The following C12orf56 variants were observed in gnomAD, a reference collection of about 807,000 sequenced individuals.
The protein encoded by C12orf56 is chromosome 12 open reading frame 56, also known as uncharacterized protein C12orf56.
In C12orf56, 71 loss-of-function variants were observed where a neutral mutation model predicts 69.9. The ratio of observed to expected loss-of-function variants is 1.02; its 90% CI spans 0.84 to 1.24. The LOEUF is 1.24. Ranked by LOEUF, C12orf56 falls within the 50% of genes most tolerant of loss-of-function variation. C12orf56 has a pLI of 0.00. For synonymous variants in C12orf56, 276 were observed against 274.1 expected (o/e 1.01, Z -0.07); for missense variants, 732 against 738.5 (o/e 0.99, Z 0.10).
chr12:64,281,782 G>A (rs1201234259), intron 8 of C12orf56, among the ~76,000 whole-genome samples: 1 of 152,086 alleles, frequency 6.6e-6, no homozygotes, highest in Non-Finnish European at 1.5e-5. Context: ...CTTGATATAG[G>A]ACGGCTGATG....
At chr12:64,285,198 A>G (rs951130341) in intron 7 of C12orf56, among the ~76,000 whole-genome samples, 1 of 147,182 alleles carries the variant, frequency 6.8e-6, no homozygotes, top group Non-Finnish European at 1.5e-5. Context: ...AAAAAAAAAA[A>G]GAAAAAAATT....
At chr12:64,381,149 A>G (rs906275307) in intron 1 of C12orf56, among the ~76,000 whole-genome samples, 19 of 152,044 alleles carry the variant, frequency 1.2e-4, no homozygotes, top group Admixed American at 1.2e-3. Flanking sequence ...GCAGTGAGTC[A>G]GGAGTGTTGA....
chr12:64,326,495 C>T (rs540358089), intron 3 of C12orf56, among the ~76,000 whole-genome samples: 8 of 152,244 alleles, frequency 5.3e-5, no homozygotes, highest in African/African-American at 1.2e-4. Flanking sequence ...TTGGGACCAC[C>T]GCCAGCCGAG....
At chr12:64,362,907 G>A (rs2039417157) in intron 1 of C12orf56, among the ~76,000 whole-genome samples, 2 of 152,108 alleles carry the variant, frequency 1.3e-5, no homozygotes, top group Non-Finnish European at 1.5e-5. Flanking sequence ...TTCGTAAACT[G>A]ACATGTCACT....
intron 2 of C12orf56, chr12:64,338,259 T>C (rs1167698246): frequency 5.6e-6 from 3 of 538,098 alleles, no homozygotes; most frequent in African/African-American, 1.9e-5. Context: ...TCCAGCTGGC[T>C]TTCCAGGGTA....
chr12:64,277,627 G>A (rs1267346109), intron 9 of C12orf56, 53 bp downstream of exon 9: 55 of 864,302 alleles, frequency 6.4e-5, no homozygotes, highest in Non-Finnish European at 6.4e-5. Flanking sequence ...AAGAAGCCAG[G>A]GCCCCTATAT....
At chr12:64,379,662 T>C (rs1310329191) in intron 1 of C12orf56, among the ~76,000 whole-genome samples, 1 of 151,996 alleles carries the variant, frequency 6.6e-6, no homozygotes, top group Non-Finnish European at 1.5e-5. Context: ...AGTTTACCAC[T>C]TCCTGCTGTC....
chr12:64,380,453 G>A (rs899581336), intron 1 of C12orf56, among the ~76,000 whole-genome samples: 10 of 152,168 alleles, frequency 6.6e-5, no homozygotes, highest in Non-Finnish European at 8.8e-5. Context: ...AAGTGTCAGG[G>A]AATGTGAGGC....
intron 1 of C12orf56, among the ~76,000 whole-genome samples, chr12:64,370,036 A>T (rs2039549512): frequency 6.6e-6 from 1 of 151,296 alleles, no homozygotes; most frequent in African/African-American, 2.4e-5. Flanking sequence ...GTGTTACAAA[A>T]TAAGATGCTG....
chr12:64,315,841 G>A (rs886075141), intron 4 of C12orf56, among the ~76,000 whole-genome samples: 5 of 149,916 alleles, frequency 3.3e-5, no homozygotes, highest in African/African-American at 1.2e-4. Context: ...TGAGGCAGGA[G>A]AATCAATTGA....
chr12:64,383,769 A>G (rs2039752817), intron 1 of C12orf56, among the ~76,000 whole-genome samples: 1 of 152,186 alleles, frequency 6.6e-6, no homozygotes, highest in South Asian at 2.1e-4. Context: ...ACTATAAATC[A>G]ACCAAATATG....
intron 4 of C12orf56, among the ~76,000 whole-genome samples, chr12:64,314,801 A>T (rs1241943810): frequency 6.6e-6 from 1 of 150,652 alleles, no homozygotes; most frequent in African/African-American, 2.4e-5. Flanking sequence ...CGCCCGGCTA[A>T]TTTTTTCTAT....
At position 64,365,824 on chromosome 12, in the gene C12orf56, T is replaced by A. The variant is rs2039464727; in HGVS notation, c.253-12768A>T. ...TATGTATAATATATAGTGTATATAT[T>A]ATGTATAATATATAGTGTATATATT... On this transcript the variant is annotated intron_variant, in intron 1 of 12. Transcript: ENST00000543942. Among the ~76,000 whole-genome samples the A allele has an allele frequency of 5.0e-5, 7 of 139,958 alleles. No individual in the cohort carries two copies. The South Asian group carries it at 1.5e-3, about 30-fold the overall frequency. 91.8% of individuals were successfully genotyped at this position (139,958 alleles called of 152,430 possible).
chr12:64,381,164 T>C (rs2039715425), intron 1 of C12orf56, among the ~76,000 whole-genome samples: 1 of 151,858 alleles, frequency 6.6e-6, no homozygotes, highest in African/African-American at 2.4e-5. Flanking sequence ...TGTTGATTGG[T>C]TGGGTCAGAG....
intron 6 of C12orf56, among the ~76,000 whole-genome samples, chr12:64,294,893 A>C (rs981429116): frequency 1.3e-5 from 2 of 152,014 alleles, no homozygotes; most frequent in Non-Finnish European, 2.9e-5. Context: ...AAATCATATG[A>C]AGAAAAAAAA....
chr12:64,307,612 G>A (rs1257127850), intron 5 of C12orf56, among the ~76,000 whole-genome samples: 1 of 151,756 alleles, frequency 6.6e-6, no homozygotes, highest in Non-Finnish European at 1.5e-5. Flanking sequence ...CAAACGATCT[G>A]CCCGCCTCAG....
At chr12:64,328,701 AAAAAAATATATATATATATATAT>A (rs1455635674) in intron 3 of C12orf56, among the ~76,000 whole-genome samples, 19 of 18,638 alleles carry the variant, frequency 1.0e-3, no homozygotes, top group South Asian at 1.9e-3. Flanking sequence ...AAAAAAAAAA[AAAAAAATATATATATATATATAT>A]ATATATATAT....
chr12:64,273,427 TG>T (rs1473976361), intron 11 of C12orf56, among the ~76,000 whole-genome samples: 2 of 151,858 alleles, frequency 1.3e-5, no homozygotes, highest in African/African-American at 4.8e-5. Context: ...TTTGAGGAGG[TG>T]GGAAGAGATT....
At chr12:64,380,864 A>G (rs2039711613) in intron 1 of C12orf56, among the ~76,000 whole-genome samples, 1 of 152,188 alleles carries the variant, frequency 6.6e-6, no homozygotes, top group South Asian at 2.1e-4. Context: ...TGTAAGCAAT[A>G]AGGAGTTTGG....
Sources: gnomAD v4.1 joint callset for allele counts (sites outside exome capture counted in the v4.1 genomes callset) on GRCh38, gnomAD v4.1.1 for gene constraint, MANE v1.5 for transcripts, NCBI Gene and HGNC (gene_info 2026-07-23, HGNC 2026-07-21) for gene names.